PRSS23: variants seen among roughly 807,000 people sequenced by gnomAD.
PRSS23 encodes protease, serine 23.
PRSS23 carries 25 observed loss-of-function variants against 34.7 expected under a neutral mutation model. The ratio of observed to expected loss-of-function variants is 0.72; its 90% CI spans 0.53 to 1.01. PRSS23 has a LOEUF of 1.01. PRSS23 is among the 50% of genes least tolerant of loss of function. The pLI is 0.00. For synonymous variants in PRSS23, 176 were observed against 186.6 expected, an observed-to-expected ratio of 0.94 and a Z score of 0.46; for missense variants, 445 against 475.6, an observed-to-expected ratio of 0.94 and a Z score of 0.60.
upstream of PRSS23, among the ~76,000 whole-genome samples, chr11:86,799,866 G>T (rs1455509721): frequency 6.6e-6 from 1 of 152,184 alleles, no homozygotes; most frequent in Non-Finnish European, 1.5e-5. Context: ...CGGTGCTTTG[G>T]GCCCCACGCA....
chr11:86,925,506 G>A (rs960632010), intron 2 of PRSS23, among the ~76,000 whole-genome samples: 7 of 152,044 alleles, frequency 4.6e-5, no homozygotes, highest in Admixed American at 6.6e-5. Context: ...TGAACTCCCT[G>A]GCAATCAAGG....
At chr11:86,879,812 G>A (rs2134959665) in intron 2 of PRSS23, among the ~76,000 whole-genome samples, 1 of 100,314 alleles carries the variant, frequency 1.0e-5, no homozygotes, top group African/African-American at 4.1e-5. Flanking sequence ...CCCCGTCCGG[G>A]AGGGAGGTGG....
chr11:86,905,657 T>C (rs1387438258), intron 2 of PRSS23, among the ~76,000 whole-genome samples: 1 of 152,216 alleles, frequency 6.6e-6, no homozygotes, highest in Non-Finnish European at 1.5e-5. Flanking sequence ...AAGGTTTTCT[T>C]TAACAAATAC....
chr11:86,832,421 A>G (rs1358866570), intron 2 of PRSS23: 1 of 182,076 alleles, frequency 5.5e-6, no homozygotes, highest in African/African-American at 2.4e-5. Flanking sequence ...ATTACTCTTA[A>G]TATCACAGTG....
chr11:86,831,208 A>G (rs945863676), intron 2 of PRSS23, among the ~76,000 whole-genome samples: 1 of 151,508 alleles, frequency 6.6e-6, no homozygotes, highest in East Asian at 1.9e-4. Flanking sequence ...GATATTATTC[A>G]TAATATCCTA....
chr11:86,840,286 C>T (rs1426153948), intron 2 of PRSS23, among the ~76,000 whole-genome samples: 1 of 151,706 alleles, frequency 6.6e-6, no homozygotes, highest in Admixed American at 6.6e-5. Flanking sequence ...GCAAAACAAA[C>T]AAACAAACAA....
chr11:86,827,024 G>T (rs1948307339), intron 2 of PRSS23, among the ~76,000 whole-genome samples: 1 of 152,150 alleles, frequency 6.6e-6, no homozygotes, highest in Non-Finnish European at 1.5e-5. Flanking sequence ...AGTTAGGGAG[G>T]ATTCCCTCTT....
At chr11:86,937,700 AC>A (rs968584526) in intron 2 of PRSS23, 2 of 152,142 alleles carry the variant, frequency 1.3e-5, no homozygotes, top group African/African-American at 4.8e-5. Context: ...TGAATAATCC[AC>A]CCCTTGTTTA....
At chr11:86,920,347 A>G (rs1171252982) in intron 2 of PRSS23, among the ~76,000 whole-genome samples, 2 of 152,228 alleles carry the variant, frequency 1.3e-5, no homozygotes, top group Non-Finnish European at 2.9e-5. Context: ...CCAAGTTCTG[A>G]GCACCTACCT....
chr11:86,899,978 A>T (rs1948900715), intron 2 of PRSS23, among the ~76,000 whole-genome samples: 1 of 152,238 alleles, frequency 6.6e-6, no homozygotes, highest in Middle Eastern at 3.2e-3. Flanking sequence ...TCCAAAGGCA[A>T]ATCTGATAAC....
intron 1 of PRSS23, among the ~76,000 whole-genome samples, chr11:86,820,396 T>C (rs1948243788): frequency 6.6e-6 from 1 of 152,192 alleles, no homozygotes; most frequent in Non-Finnish European, 1.5e-5. Context: ...GCTTCTCAGC[T>C]AAAGTAGTTT....
chr11:86,942,644 G>C (rs909250176), intron 2 of PRSS23, among the ~76,000 whole-genome samples: 2 of 152,162 alleles, frequency 1.3e-5, no homozygotes, highest in Admixed American at 1.3e-4. Flanking sequence ...TCTTTCCCTG[G>C]GAATTTGAGA....
At chr11:86,858,291 C>T (rs948446730) in intron 2 of PRSS23, among the ~76,000 whole-genome samples, 1 of 152,046 alleles carries the variant, frequency 6.6e-6, no homozygotes, top group East Asian at 1.9e-4. Context: ...GATATTGTTC[C>T]TAATATCCAG....
intron 2 of PRSS23, among the ~76,000 whole-genome samples, chr11:86,845,303 A>G (rs1948478631): frequency 6.6e-6 from 1 of 152,204 alleles, no homozygotes; most frequent in Non-Finnish European, 1.5e-5. Context: ...TAAGGACAAA[A>G]TAAAATGTCC....
At chr11:86,870,268 C>A (rs1948676460) in intron 2 of PRSS23, among the ~76,000 whole-genome samples, 1 of 150,976 alleles carries the variant, frequency 6.6e-6, no homozygotes, top group Admixed American at 6.6e-5. Flanking sequence ...GAAAAAACAA[C>A]AACAAAACCT....
chr11:86,843,807 A>AT (rs1948466303), intron 2 of PRSS23, among the ~76,000 whole-genome samples: 1 of 152,144 alleles, frequency 6.6e-6, no homozygotes, highest in Admixed American at 6.6e-5. Flanking sequence ...ACACTTTCAC[A>AT]TGTTAGTGGG....
chr11:86,826,325 T>G (rs1948300636), intron 2 of PRSS23, among the ~76,000 whole-genome samples: 1 of 152,176 alleles, frequency 6.6e-6, no homozygotes, highest in Admixed American at 6.5e-5. Context: ...ATGCTTGTGA[T>G]TTTTGTACAT....
chr11:86,854,632 G>T (rs1357127518), intron 2 of PRSS23, among the ~76,000 whole-genome samples: 2 of 152,180 alleles, frequency 1.3e-5, no homozygotes, highest in Admixed American at 1.3e-4. Context: ...ATTTAGGCAT[G>T]TTATAGTTTT....
intron 2 of PRSS23, among the ~76,000 whole-genome samples, chr11:86,824,869 T>C (rs571172951): frequency 1.3e-5 from 2 of 152,146 alleles, no homozygotes; most frequent in Non-Finnish European, 2.9e-5. Context: ...TTTCTTAATC[T>C]AGTCTGTCAT....
Sources: allele counts gnomAD v4.1 joint callset (sites outside exome capture counted in the v4.1 genomes callset), GRCh38; gene constraint gnomAD v4.1.1; transcripts MANE v1.5; gene names NCBI Gene and HGNC (gene_info 2026-07-23, HGNC 2026-07-21).